Variants in PPP4R2 observed in about 807,000 individuals in gnomAD.
PPP4R2 encodes protein phosphatase 4 regulatory subunit 2.
PPP4R2 carries 13 observed loss-of-function variants against 47.2 expected under a neutral mutation model. The ratio of observed to expected loss-of-function variants is 0.28; its 90% CI spans 0.18 to 0.44. The LOEUF (loss-of-function observed/expected upper bound fraction) is 0.44. Ranked by LOEUF, PPP4R2 falls within the 20% of genes least tolerant of loss-of-function variation. The pLI is 1.00. For missense variants in PPP4R2, 421 were observed against 491.2 expected, an observed-to-expected ratio of 0.86 and a Z score of 1.35; for synonymous variants, 151 against 163.3, an observed-to-expected ratio of 0.92 and a Z score of 0.57.
chr3:73,065,237 C>CT, intron 8 of PPP4R2, 96 bp downstream of exon 8: 1 of 1,350,810 alleles, frequency 7.4e-7, no homozygotes, highest in South Asian at 1.5e-5. Context: ...AATGGAACTC[C>CT]TTATAATGCT....
rs754417909 is a variant in PPP4R2, at chr3:73,064,881, C to A, written c.668C>A (p.Ser223Tyr). 1.9e-6 allele frequency: 3 copies of A among 1,610,454 alleles called. No individual in the cohort carries two copies. The highest frequency in any genetic ancestry group is 1.7e-4 in the Middle Eastern group (1 of 6,000). ...TCTTCGACCTCTGAATCAGAAGTTT[C>A]CTCAGTGAGCCCTTTGAAAAATAAA... ...SDSSTSESEVSSVSPLKNKHP... is the reference protein window; with the variant it reads ...SDSSTSESEVYSVSPLKNKHP... The change falls in exon 8 of 9, where the codon TCC (serine) becomes TAC (tyrosine). Residue 223 changes from serine (S) to tyrosine (Y), a missense_variant. Transcript: ENST00000356692.
intron 2 of PPP4R2, among the ~76,000 whole-genome samples, chr3:73,031,232 A>C (rs1702159278): frequency 6.6e-6 from 1 of 152,198 alleles, no homozygotes; most frequent in South Asian, 2.1e-4. Flanking sequence ...CTTTTCTGTT[A>C]GTTGACATAT....
intron 2 of PPP4R2, among the ~76,000 whole-genome samples, chr3:73,012,231 A>G (rs1163949502): frequency 6.6e-6 from 1 of 152,204 alleles, no homozygotes. Flanking sequence ...TAGTTTTTAT[A>G]CCTTATATTG....
chr3:73,045,108 C>T (rs1367973376), intron 2 of PPP4R2, among the ~76,000 whole-genome samples: 1 of 152,122 alleles, frequency 6.6e-6, no homozygotes, highest in African/African-American at 2.4e-5. Context: ...ATCCTGTTGC[C>T]TCGGCCTCTT....
chr3:73,027,099 A>G lies in PPP4R2; in HGVS notation c.117-20087A>G, dbSNP rs1228403697. On this transcript the variant is annotated intron_variant, in intron 2 of 8. Transcript: ENST00000356692. The stretch of plus-strand genomic sequence containing the variant: ...TATGTATGTGCTTGCTATTTTTATT[A>G]TGCATTACAGTTCAAATATGAATCT... Among the ~76,000 whole-genome samples the G allele has an allele frequency of 3.3e-5, 5 of 152,274 alleles. No individual in the cohort carries two copies. In the East Asian group the frequency reaches 9.7e-4, roughly 29 times the overall value.
At chr3:73,003,172 G>T (rs952530872) in intron 2 of PPP4R2, among the ~76,000 whole-genome samples, 20 of 147,152 alleles carry the variant, frequency 1.4e-4, no homozygotes, top group African/African-American at 4.0e-4. Flanking sequence ...AAGTTTTTCT[G>T]TCTCCCTTGT....
At chr3:73,061,633 CA>C (rs1350016111) in intron 5 of PPP4R2, 1 of 176,310 alleles carries the variant, frequency 5.7e-6, no homozygotes, top group African/African-American at 2.4e-5. Context: ...TATCTTTAGA[CA>C]TTGCCAAATG....
chr3:73,054,686 CAT>C (rs1200469085), intron 3 of PPP4R2, among the ~76,000 whole-genome samples: 4 of 152,124 alleles, frequency 2.6e-5, no homozygotes, highest in Non-Finnish European at 4.4e-5. Context: ...CTCTGTGCTA[CAT>C]GTTACATTCC....
chr3:73,036,774 A>T (rs190201880), intron 2 of PPP4R2, among the ~76,000 whole-genome samples: 1 of 152,234 alleles, frequency 6.6e-6, no homozygotes, highest in Non-Finnish European at 1.5e-5. Context: ...AAAGTAGCAC[A>T]TAACTCTGGG....
chr3:73,044,139 G>T (rs1702435468), intron 2 of PPP4R2, among the ~76,000 whole-genome samples: 1 of 152,170 alleles, frequency 6.6e-6, no homozygotes. Flanking sequence ...TTCATGTGCT[G>T]TTGGCACATT....
chr3:73,003,363 C>T lies in PPP4R2; in HGVS notation c.116+5205C>T, dbSNP rs115568817. On this transcript the variant is annotated intron_variant, in intron 2 of 8. Coordinates refer to ENST00000356692, the MANE Select transcript of PPP4R2 (RefSeq NM_174907.4). ...AGTAGCTGGGGTTACTGGCACGTGC[C>T]ACCATTGCCTGGCTAATTTTTGTGT... Among the ~76,000 whole-genome samples the T allele has an allele frequency of 5.1e-3, 783 of 152,110 alleles. 7 individuals carry two copies. The highest frequency in any genetic ancestry group is 0.018 in the African/African-American group (754 of 41,504).
Position 73,040,910 on chromosome 3 carries a change from C to T in PPP4R2, c.117-6276C>T, listed in dbSNP as rs150581403. Among the ~76,000 whole-genome samples the T allele has an allele frequency of 7.4e-4, 112 of 152,114 alleles. 1 individual carries two copies. The highest frequency in any genetic ancestry group is 2.5e-3 in the African/African-American group (104 of 41,482). On this transcript the variant is annotated intron_variant, in intron 2 of 8. Transcript: ENST00000356692. Reference sequence around the variant, plus strand: ...AAAGACTGTTTGTCCCATGCAAATACCCGTAGTGAGTAAGGAGGAGGGAAA... The same window carrying T: ...AAAGACTGTTTGTCCCATGCAAATATCCGTAGTGAGTAAGGAGGAGGGAAA...
chr3:73,040,301 A>G (rs1702351079), intron 2 of PPP4R2, among the ~76,000 whole-genome samples: 1 of 152,188 alleles, frequency 6.6e-6, no homozygotes, highest in African/African-American at 2.4e-5. Context: ...ACTACAAAGT[A>G]TGGTACATGG....
chr3:73,004,478 CAG>C (rs1462943152), intron 2 of PPP4R2, among the ~76,000 whole-genome samples: 1 of 152,180 alleles, frequency 6.6e-6, no homozygotes, highest in African/African-American at 2.4e-5. Flanking sequence ...ATTTTTGAGA[CAG>C]AGTCTTGCTC....
In PPP4R2 at chr3:73,064,113, C is replaced by T; in HGVS notation, c.605C>T (p.Ala202Val). 2 of 1,610,928 alleles carry T rather than the reference C, an allele frequency of 1.2e-6. No homozygotes were observed. Among genetic ancestry groups the T allele is most frequent in the Non-Finnish European group, 1.7e-6 (2 of 1,179,190 alleles). ...GLPESTDSKEANLQQNEEKNH... is the reference protein window; with the variant it reads ...GLPESTDSKEVNLQQNEEKNH... Reference sequence around the variant, plus strand: ...CCTGAGAGCACAGACAGCAAAGAGGCAAATTTGCAGCAAAATGAGGAGAAA... The same window carrying T: ...CCTGAGAGCACAGACAGCAAAGAGGTAAATTTGCAGCAAAATGAGGAGAAA... The change falls in exon 7 of 9, where the codon GCA becomes GTA. Residue 202 changes from alanine to valine, a missense_variant. Coordinates refer to ENST00000356692, the MANE Select transcript of PPP4R2 (RefSeq NM_174907.4).
intron 3 of PPP4R2, among the ~76,000 whole-genome samples, chr3:73,051,554 C>T (rs975095121): frequency 6.6e-6 from 1 of 152,098 alleles, no homozygotes; most frequent in Non-Finnish European, 1.5e-5. Context: ...TTAAATGCTT[C>T]CTAGTATTTT....
At chr3:73,055,471 T>G (rs1702714228) in intron 3 of PPP4R2, among the ~76,000 whole-genome samples, 1 of 144,640 alleles carries the variant, frequency 6.9e-6, no homozygotes, top group Non-Finnish European at 1.5e-5. Context: ...AATATATATA[T>G]ATATTTAGCA....
Position 73,065,159 on chromosome 3 carries a change from G to GT in PPP4R2, c.928+19dup, listed in dbSNP as rs1702965710. ...AGAAGAAGGTATTTAGAGACCATCTGTAAAAGGGTGGAGTAAGGAGATCCT... is the reference window on the plus strand; with the variant it reads ...AGAAGAAGGTATTTAGAGACCATCTGTTAAAAGGGTGGAGTAAGGAGATCCT... On this transcript the variant is annotated intron_variant, in intron 8 of 8. Coordinates refer to ENST00000356692, the MANE Select transcript of PPP4R2 (RefSeq NM_174907.4). 1 of 1,575,542 alleles carries GT rather than the reference G, an allele frequency of 6.3e-7. No individual in the cohort carries two copies. The highest frequency in any genetic ancestry group is 1.2e-5 in the South Asian group (1 of 84,418).
At chr3:73,027,620 T>G (rs1473132253) in intron 2 of PPP4R2, among the ~76,000 whole-genome samples, 1 of 151,956 alleles carries the variant, frequency 6.6e-6, no homozygotes, top group African/African-American at 2.4e-5. Context: ...AGACTTTGTA[T>G]TTGTTTTATA....
Sources: gnomAD v4.1 joint callset for allele counts (sites outside exome capture counted in the v4.1 genomes callset) on GRCh38, gnomAD v4.1.1 for gene constraint, MANE v1.5 for transcripts, NCBI Gene and HGNC (gene_info 2026-07-23, HGNC 2026-07-21) for gene names.